Variants in DLGAP1 observed in about 807,000 individuals in gnomAD.
DLGAP1 encodes DLG associated protein 1, also known as disks large-associated protein 1.
A neutral mutation model predicts 90.8 loss-of-function variants in DLGAP1; 11 were observed. The ratio of observed to expected loss-of-function variants is 0.12; its 90% confidence interval spans 0.08 to 0.20. The LOEUF (loss-of-function observed/expected upper bound fraction) is 0.20, where lower values mean the gene tolerates loss of function less well. Ranked by LOEUF, DLGAP1 falls within the 10% of genes least tolerant of loss-of-function variation. The pLI is 1.00. For missense variants in DLGAP1, 1,050 were observed against 1,333.8 expected (o/e 0.79, Z 3.31); for synonymous variants, 558 against 540.7 (o/e 1.03, Z -0.44).
intron 10 of DLGAP1, among the ~76,000 whole-genome samples, chr18:3,525,111 C>CAAA (rs1876210091): frequency 6.7e-6 from 1 of 149,340 alleles, no homozygotes; most frequent in African/African-American, 2.5e-5. Context: ...AAATCAACAA[C>CAAA]ATTATTTTGT....
intron 4 of DLGAP1, among the ~76,000 whole-genome samples, chr18:3,868,705 T>C (rs2070555364): frequency 6.6e-6 from 1 of 152,242 alleles, no homozygotes; most frequent in Non-Finnish European, 1.5e-5. Context: ...TTGATGACAT[T>C]GGAGAAGCAG....
chr18:3,642,370 G>A (rs577518443), intron 7 of DLGAP1, among the ~76,000 whole-genome samples: 1 of 152,256 alleles, frequency 6.6e-6, no homozygotes, highest in South Asian at 2.1e-4. Context: ...TCAGATTTTG[G>A]AGCATTTTCG....
intron 7 of DLGAP1, among the ~76,000 whole-genome samples, chr18:3,670,602 T>C (rs1341323707): frequency 6.8e-6 from 1 of 147,488 alleles, no homozygotes; most frequent in Non-Finnish European, 1.5e-5. Context: ...AGAATGGTGA[T>C]TATTCTCTAA....
chr18:4,405,696 T>C (rs1041945807), intron 1 of DLGAP1, among the ~76,000 whole-genome samples: 3 of 152,162 alleles, frequency 2.0e-5, no homozygotes, highest in Non-Finnish European at 4.4e-5. Flanking sequence ...CCTAACTGAC[T>C]TATCTTGTGC....
intron 2 of DLGAP1, among the ~76,000 whole-genome samples, chr18:4,083,880 T>G (rs368745182): frequency 3.2e-4 from 48 of 152,188 alleles, no homozygotes; most frequent in African/African-American, 1.1e-3. Flanking sequence ...GCAGGTGGCT[T>G]ATGTTAATTA....
intron 7 of DLGAP1, among the ~76,000 whole-genome samples, chr18:3,652,177 AAAAG>A (rs1436677589): frequency 2.2e-5 from 3 of 139,256 alleles, no homozygotes; most frequent in African/African-American, 1.0e-4. Flanking sequence ...AAAAAAAAAA[AAAAG>A]AAAAGAAAGA....
At chr18:4,193,903 G>A (rs568408266) in intron 1 of DLGAP1, among the ~76,000 whole-genome samples, 1 of 152,184 alleles carries the variant, frequency 6.6e-6, no homozygotes, top group East Asian at 1.9e-4. Flanking sequence ...TGAAAATCTG[G>A]AAATTAAACA....
At chr18:3,864,142 C>G (rs938200923) in intron 4 of DLGAP1, among the ~76,000 whole-genome samples, 2 of 152,120 alleles carry the variant, frequency 1.3e-5, no homozygotes, top group East Asian at 1.9e-4. Flanking sequence ...GGGAGAATGA[C>G]AGTATTATAA....
chr18:3,965,872 C>T lies in DLGAP1; in HGVS notation c.-73+39244G>A, dbSNP rs1198715136. Among the ~76,000 whole-genome samples the T allele has an allele frequency of 3.5e-5, 5 of 144,256 alleles. 1 individual carries two copies. The highest frequency in any genetic ancestry group is 1.5e-4 in the Admixed American group (2 of 13,518). 94.6% of individuals were successfully genotyped at this position (144,256 alleles called of 152,430 possible). ...CTGAGGCAGGAGAATTGCTTGAACC[C>T]GGGAGGCGGAGGTTGCCGTGAGCCG... is the stretch of plus-strand genomic sequence containing the variant. On this transcript the variant is annotated intron_variant, in intron 3 of 12. Coordinates refer to ENST00000315677, the MANE Select transcript of DLGAP1 (RefSeq NM_004746.4).
intron 9 of DLGAP1, among the ~76,000 whole-genome samples, chr18:3,566,254 G>A (rs958490409): frequency 2.0e-5 from 3 of 152,044 alleles, no homozygotes; most frequent in African/African-American, 7.2e-5. Context: ...GGATAGATGT[G>A]TAACTATTGC....
chr18:3,846,285 C>G (rs766188174), intron 4 of DLGAP1, among the ~76,000 whole-genome samples: 1 of 152,108 alleles, frequency 6.6e-6, no homozygotes, highest in African/African-American at 2.4e-5. Flanking sequence ...TTCCTTTCTT[C>G]GTCACCATAC....
intron 7 of DLGAP1, among the ~76,000 whole-genome samples, chr18:3,701,357 C>T (rs1161271669): frequency 6.6e-6 from 1 of 152,190 alleles, no homozygotes; most frequent in Non-Finnish European, 1.5e-5. Context: ...AGCAATGACC[C>T]TGTGTTGGGG....
intron 1 of DLGAP1, among the ~76,000 whole-genome samples, chr18:4,162,089 G>T (rs2076856085): frequency 6.6e-6 from 1 of 152,140 alleles, no homozygotes; most frequent in South Asian, 2.1e-4. Flanking sequence ...CTAGATGCTG[G>T]AGATAGAGTA....
chr18:4,165,385 T>G (rs919262299), intron 1 of DLGAP1, among the ~76,000 whole-genome samples: 6 of 152,124 alleles, frequency 3.9e-5, no homozygotes, highest in Admixed American at 6.5e-5. Flanking sequence ...CAAAACTGTC[T>G]TCAGGAAAGA....
chr18:3,638,779 A>G (rs545757454), intron 7 of DLGAP1, among the ~76,000 whole-genome samples: 76 of 152,360 alleles, frequency 5.0e-4, no homozygotes, highest in Non-Finnish European at 9.6e-4. Context: ...AACATTCAAT[A>G]TCATCAGTAC....
At chr18:4,199,831 G>A (rs747335882) in intron 1 of DLGAP1, among the ~76,000 whole-genome samples, 67 of 152,276 alleles carry the variant, frequency 4.4e-4, no homozygotes, top group Middle Eastern at 3.4e-3. Context: ...CCTTATGGTT[G>A]AAAACAATTC....
chr18:4,368,473 C>T (rs947867536), intron 1 of DLGAP1, among the ~76,000 whole-genome samples: 1 of 152,098 alleles, frequency 6.6e-6, no homozygotes, highest in South Asian at 2.1e-4. Flanking sequence ...AAAAGAAGGA[C>T]CTATCCCAAG....
intron 2 of DLGAP1, among the ~76,000 whole-genome samples, chr18:4,108,217 C>A (rs2075904339): frequency 6.6e-6 from 1 of 152,074 alleles, no homozygotes; most frequent in Non-Finnish European, 1.5e-5. Flanking sequence ...ACCCTCATAC[C>A]CTGAAGAAAG....
chr18:3,761,058 G>C (rs1245665419), intron 5 of DLGAP1, among the ~76,000 whole-genome samples: 1 of 152,050 alleles, frequency 6.6e-6, no homozygotes, highest in Non-Finnish European at 1.5e-5. Flanking sequence ...TGTCTTTCTC[G>C]TGCTCCCCCT....
Sources: allele counts gnomAD v4.1 joint callset (sites outside exome capture counted in the v4.1 genomes callset), GRCh38; gene constraint gnomAD v4.1.1; transcripts MANE v1.5; gene names NCBI Gene and HGNC (gene_info 2026-07-23, HGNC 2026-07-21).